TTBK2: variants seen among roughly 807,000 people sequenced by gnomAD.
TTBK2 encodes tau-tubulin kinase 2.
A neutral mutation model predicts 110.8 loss-of-function variants in TTBK2; 28 were observed. That is an observed-to-expected ratio of 0.25 (90% CI 0.19 to 0.35). The LOEUF (loss-of-function observed/expected upper bound fraction) is 0.35. TTBK2 is among the 10% of genes least tolerant of loss of function. TTBK2 has a pLI of 1.00. For synonymous variants in TTBK2, 532 were observed against 527.3 expected (o/e 1.01, Z -0.12); for missense variants, 1,369 against 1,500.3 (o/e 0.91, Z 1.45).
chr15:42,787,032 T>C (rs968299877), intron 10 of TTBK2, among the ~76,000 whole-genome samples: 1 of 152,180 alleles, frequency 6.6e-6, no homozygotes, highest in African/African-American at 2.4e-5. Context: ...TGAAGAGATA[T>C]GAGAAAAAAT....
chr15:42,842,721 T>TA (rs201241380), intron 3 of TTBK2, among the ~76,000 whole-genome samples: 125 of 133,900 alleles, frequency 9.3e-4, no homozygotes, highest in South Asian at 3.9e-3. Flanking sequence ...CCCCTTCCCC[T>TA]AAAAAAAAAA....
At chr15:42,882,516 A>C (rs1239308615) in intron 1 of TTBK2, among the ~76,000 whole-genome samples, 1 of 151,918 alleles carries the variant, frequency 6.6e-6, no homozygotes, top group Non-Finnish European at 1.5e-5. Flanking sequence ...CAGGAGTCTG[A>C]GGCAGAAGAA....
chr15:42,853,613 G>A (rs778400286), intron 3 of TTBK2, among the ~76,000 whole-genome samples: 4 of 152,134 alleles, frequency 2.6e-5, no homozygotes, highest in Non-Finnish European at 4.4e-5. Flanking sequence ...CTGATCACTC[G>A]CAGCATAAAG....
At chr15:42,885,639 C>A (rs989770677) in intron 1 of TTBK2, among the ~76,000 whole-genome samples, 2 of 152,170 alleles carry the variant, frequency 1.3e-5, no homozygotes, top group Admixed American at 6.5e-5. Flanking sequence ...CAAGCACCGC[C>A]TTTCTGGGGG....
intron 3 of TTBK2, among the ~76,000 whole-genome samples, chr15:42,864,212 T>C (rs1472539671): frequency 1.3e-5 from 2 of 152,194 alleles, no homozygotes; most frequent in African/African-American, 4.8e-5. Context: ...TCAGAATTTA[T>C]AAGAAACTTA....
intron 4 of TTBK2, among the ~76,000 whole-genome samples, chr15:42,831,064 A>G (rs1229186720): frequency 6.6e-6 from 1 of 151,890 alleles, no homozygotes; most frequent in Non-Finnish European, 1.5e-5. Flanking sequence ...TCAAGTATAT[A>G]GAATGCATAT....
rs952891007 is a variant in TTBK2 at position 42,901,126 on chromosome 15, C to T, written c.-68+19312G>A. Among the ~76,000 whole-genome samples, 12 of 151,864 alleles carry T rather than the reference C, an allele frequency of 7.9e-5. No individual in the cohort carries two copies. The South Asian group carries it at 1.2e-3, about 16-fold the overall frequency. ...CTGTGATCCCAGCACTTTGGGAGGC[C>T]GAGGCAGGTGGATCACCTGAGGTCA... On this transcript the variant is annotated intron_variant, in intron 1 of 14. Coordinates refer to ENST00000267890, the MANE Select transcript of TTBK2 (RefSeq NM_173500.4).
chr15:42,840,514 GT>G, intron 3 of TTBK2, 81 bp from the exon 4 acceptor site: 1 of 1,226,960 alleles, frequency 8.2e-7, no homozygotes, highest in Non-Finnish European at 1.2e-6. Context: ...TCTGTATAGT[GT>G]TTTATGATTG....
chr15:42,762,907 T>TA (rs1191406716), intron 13 of TTBK2, among the ~76,000 whole-genome samples: 5 of 149,124 alleles, frequency 3.4e-5, no homozygotes, highest in African/African-American at 7.4e-5. Context: ...ATGAGGAAGC[T>TA]AAAAAAAAGT....
intron 1 of TTBK2, among the ~76,000 whole-genome samples, chr15:42,903,026 C>CT (rs964041327): frequency 6.0e-5 from 9 of 150,562 alleles, no homozygotes; most frequent in African/African-American, 2.2e-4. Context: ...AAAGGGAATT[C>CT]TTTTTAATTT....
intron 3 of TTBK2, among the ~76,000 whole-genome samples, chr15:42,842,274 G>A (rs1232831142): frequency 6.6e-6 from 1 of 152,062 alleles, no homozygotes; most frequent in African/African-American, 2.4e-5. Context: ...AAGATAGGAG[G>A]AAACTGAGAG....
intron 14 of TTBK2, among the ~76,000 whole-genome samples, chr15:42,746,610 A>C (rs2061797834): frequency 6.6e-6 from 1 of 152,354 alleles, no homozygotes; most frequent in South Asian, 2.1e-4. Context: ...TAGCATGTTA[A>C]ATTGTCTCTA....
At chr15:42,901,344 A>C (rs985140007) in intron 1 of TTBK2, among the ~76,000 whole-genome samples, 1 of 152,078 alleles carries the variant, frequency 6.6e-6, no homozygotes, top group Non-Finnish European at 1.5e-5. Context: ...CCTGGGCGAC[A>C]GAGCAAGACT....
intron 1 of TTBK2, among the ~76,000 whole-genome samples, chr15:42,896,804 AAAAT>A (rs1895685277): frequency 6.6e-6 from 1 of 152,148 alleles, no homozygotes; most frequent in South Asian, 2.1e-4. Flanking sequence ...CCAAAAAAAT[AAAAT>A]AAATAAATAA....
intron 6 of TTBK2, among the ~76,000 whole-genome samples, chr15:42,820,912 G>A (rs954021623): frequency 6.6e-6 from 1 of 152,166 alleles, no homozygotes; most frequent in African/African-American, 2.4e-5. Flanking sequence ...AGCTACTTGG[G>A]AGGCTGAGAT....
intron 9 of TTBK2, chr15:42,802,352 C>T (rs559922581): frequency 1.0e-5 from 8 of 769,616 alleles, no homozygotes; most frequent in African/African-American, 8.5e-5. Context: ...CTGTTAAAGG[C>T]CTGGGGGCCA....
intron 7 of TTBK2, among the ~76,000 whole-genome samples, chr15:42,814,541 C>T (rs1208771814): frequency 2.6e-5 from 4 of 152,148 alleles, no homozygotes; most frequent in Non-Finnish European, 5.9e-5. Context: ...CCTGCCACTA[C>T]ACTCCAGCCT....
intron 10 of TTBK2, among the ~76,000 whole-genome samples, chr15:42,791,910 G>C (rs1009632875): frequency 2.0e-5 from 3 of 152,214 alleles, no homozygotes; most frequent in Admixed American, 6.5e-5. Flanking sequence ...GGGAGGCCGA[G>C]GCAGGTGGAT....
intron 14 of TTBK2, among the ~76,000 whole-genome samples, chr15:42,750,424 A>C (rs1449392746): frequency 1.3e-5 from 2 of 152,130 alleles, no homozygotes; most frequent in Non-Finnish European, 2.9e-5. Context: ...AAACCTAACA[A>C]GAACCAAAAA....
Sources: gnomAD v4.1 joint callset for allele counts (sites outside exome capture counted in the v4.1 genomes callset) on GRCh38, gnomAD v4.1.1 for gene constraint, MANE v1.5 for transcripts, NCBI Gene and HGNC (gene_info 2026-07-23, HGNC 2026-07-21) for gene names.